COMT: variants seen among roughly 807,000 people sequenced by gnomAD.
COMT encodes catechol-O-methyltransferase, also known as catechol O-methyltransferase.
COMT carries 13 observed loss-of-function variants against 18.9 expected under a neutral mutation model. The observed-to-expected ratio is 0.69, with a 90% CI of 0.45 to 1.09. The LOEUF is 1.09. Among genes scored for constraint, COMT ranks in the 50% least tolerant of loss-of-function variants. COMT has a pLI of 0.00. For missense variants in COMT, 329 were observed against 361.8 expected, an observed-to-expected ratio of 0.91 and a Z score of 0.73; for synonymous variants, 150 against 160.9, an observed-to-expected ratio of 0.93 and a Z score of 0.51.
chr22:19,968,792 C>CAG lies in COMT; in HGVS notation c.*58_*59dup. On this transcript the variant is annotated 3_prime_UTR_variant, in exon 6 of 6. Transcript: ENST00000361682. ...TCACCCAGCCTGGTACTGAAGGTGC[C>CAG]AGACGTGCTCCTGCTGACCTTCTGC... is the stretch of plus-strand genomic sequence containing the variant. 6.5e-7 allele frequency: 1 copy of CAG among 1,537,756 alleles called. No individual in the cohort carries two copies. The highest frequency in any genetic ancestry group is 8.8e-7 in the Non-Finnish European group (1 of 1,130,206).
At chr22:19,944,374 C>G (rs537261216) in intron 1 of COMT, among the ~76,000 whole-genome samples, 2 of 152,176 alleles carry the variant, frequency 1.3e-5, no homozygotes, top group South Asian at 4.1e-4. Context: ...TGGCAAAACC[C>G]TGTCTCTACT....
At chr22:19,943,267 A>G (rs759972046) in intron 1 of COMT, among the ~76,000 whole-genome samples, 13 of 152,212 alleles carry the variant, frequency 8.5e-5, no homozygotes, top group Non-Finnish European at 1.6e-4. Flanking sequence ...TGTTGTGTTC[A>G]TAAACTACCA....
Position 19,941,808 on chromosome 22 carries a change from GTGGGGCTTC to G in COMT, c.-174_-166del. The G allele has an allele frequency of 6.5e-7, 1 of 1,532,898 alleles. No homozygotes were observed. The highest frequency in any genetic ancestry group is 8.7e-7 in the Non-Finnish European group (1 of 1,150,768). 95.0% of individuals were successfully genotyped at this position (1,532,898 alleles called of 1,614,324 possible). A position where few individuals can be genotyped will look rare whatever the true frequency, so the allele number is the denominator to read the frequency against. ...CGCCACCGCCATTGCCGCCATCGTCGTGGGGCTTCTGGGGCAGCTAGGGCTGCCCGCCGC... is the reference window on the plus strand; with the variant it reads ...CGCCACCGCCATTGCCGCCATCGTCGTGGGGCAGCTAGGGCTGCCCGCCGC... On this transcript the variant is annotated 5_prime_UTR_variant, in exon 1 of 6. Transcript: ENST00000361682.
chr22:19,948,080 A>G lies in COMT; in HGVS notation c.-92+6183A>G, dbSNP rs533149515. Among the ~76,000 whole-genome samples, 3 of 152,286 alleles carry G rather than the reference A, an allele frequency of 2.0e-5. No homozygotes were observed. In the East Asian group the frequency reaches 5.8e-4, roughly 29 times the overall value. Reference sequence around the variant, plus strand: ...CGAAGATTATTATAATATTGGAATAAAGAGTAATTGCTACAAACTAATGAT... The same window carrying G: ...CGAAGATTATTATAATATTGGAATAGAGAGTAATTGCTACAAACTAATGAT... On this transcript the variant is annotated intron_variant, in intron 1 of 5. Transcript: ENST00000361682.
chr22:19,953,828 T>C (rs1942000489), intron 1 of COMT, among the ~76,000 whole-genome samples: 1 of 152,146 alleles, frequency 6.6e-6, no homozygotes, highest in Non-Finnish European at 1.5e-5. Flanking sequence ...GCCGGGACAC[T>C]GAGCTCCTGC....
intron 1 of COMT, among the ~76,000 whole-genome samples, chr22:19,945,926 A>G (rs1941828775): frequency 6.6e-6 from 1 of 152,252 alleles, no homozygotes; most frequent in Admixed American, 6.5e-5. Context: ...CGGCCTCCCA[A>G]AGTACTGGGA....
At chr22:19,953,552 C>T (rs1391311210) in intron 1 of COMT, among the ~76,000 whole-genome samples, 2 of 152,174 alleles carry the variant, frequency 1.3e-5, no homozygotes, top group Non-Finnish European at 2.9e-5. Context: ...CTCAGCCTCC[C>T]AAAGTGCTGG....
Position 19,966,923 on chromosome 22 carries a change from G to A in COMT, c.616-1613G>A, listed in dbSNP as rs376427752. 4.6e-5 allele frequency: 45 copies of A among 984,626 alleles called. No individual in the cohort carries two copies. The African/African-American group carries it at 7.5e-4, about 16-fold the overall frequency. The allele number at this position is 984,626 out of a possible 1,614,324, so 61.0% of individuals were successfully genotyped here. A position where few individuals can be genotyped will look rare whatever the true frequency, so the allele number is the denominator to read the frequency against. ...TAGTGTCACCTGCTCCTCTGACACT[G>A]TCGCTTCTCCACGGCATTAGATTTT... On this transcript the variant is annotated intron_variant, in intron 5 of 5. Transcript: ENST00000361682.
At chr22:19,963,977 C>A in intron 4 of COMT, 191 bp from the exon 5 acceptor site, 1 of 1,258,324 alleles carries the variant, frequency 7.9e-7, no homozygotes, top group Non-Finnish European at 1.1e-6. Flanking sequence ...CAAGGTGGCA[C>A]CAGGAGGGGC....
intron 1 of COMT, among the ~76,000 whole-genome samples, chr22:19,958,051 C>CACCTAGGAGTAGAATTGCTGGGTCAT (rs1318538113): frequency 6.8e-4 from 104 of 152,226 alleles, no homozygotes; most frequent in Non-Finnish European, 8.8e-4. Flanking sequence ...TCTTGGTATA[C>CACCTAGGAGTAGAATTGCTGGGTCAT]ACCTAGGAGT....
rs1235465370 is a variant in COMT, at chr22:19,969,888, G to A, written c.*1152G>A. On this transcript the variant is annotated 3_prime_UTR_variant, in exon 6 of 6. Transcript: ENST00000361682. ...TTGTGCCAGACCTGAGTGGCAGAAAGCAAAAAGTTCCTTTGCTGCTTTAAT... is the reference window on the plus strand; with the variant it reads ...TTGTGCCAGACCTGAGTGGCAGAAAACAAAAAGTTCCTTTGCTGCTTTAAT... 2 of 985,342 alleles carry A rather than the reference G, an allele frequency of 2.0e-6. No individual in the cohort carries two copies. The highest frequency in any genetic ancestry group is 6.1e-5 in the Admixed American group (1 of 16,272). The allele number at this position is 985,342 out of a possible 1,614,324, so 61.0% of individuals were successfully genotyped here. A position where few individuals can be genotyped will look rare whatever the true frequency, so the allele number is the denominator to read the frequency against.
rs555247050 is a variant in COMT, at chr22:19,963,261, G to C, written c.290-305G>C. On this transcript the variant is annotated intron_variant, in intron 3 of 5. Coordinates refer to ENST00000361682, the MANE Select transcript of COMT (RefSeq NM_000754.4). ...TCGGTGATTCAGAGAGGGCAGCTCTGTGTTAGGACACACTGGGGCCAGCCA... is the reference window on the plus strand; with the variant it reads ...TCGGTGATTCAGAGAGGGCAGCTCTCTGTTAGGACACACTGGGGCCAGCCA... 1.4e-3 allele frequency: 810 copies of C among 565,046 alleles called. 12 individuals carry two copies. Among genetic ancestry groups the C allele is most frequent in the South Asian group, 0.014 (665 of 48,784 alleles). The allele number at this position is 565,046 out of a possible 1,614,324, so 35.0% of individuals were successfully genotyped here. A position where few individuals can be genotyped will look rare whatever the true frequency, so the allele number is the denominator to read the frequency against.
chr22:19,945,619 A>T (rs1297076625), intron 1 of COMT, among the ~76,000 whole-genome samples: 1 of 152,228 alleles, frequency 6.6e-6, no homozygotes, highest in African/African-American at 2.4e-5. Flanking sequence ...ATCATTTACT[A>T]TAATATTACG....
intron 5 of COMT, chr22:19,966,936 G>A (rs1421323767): frequency 2.0e-6 from 2 of 985,174 alleles, no homozygotes; most frequent in East Asian, 2.3e-4. Context: ...GCTTCTCCAC[G>A]GCATTAGATT....
At chr22:19,944,753 T>C (rs1304840265) in intron 1 of COMT, among the ~76,000 whole-genome samples, 1 of 133,848 alleles carries the variant, frequency 7.5e-6, no homozygotes, top group Non-Finnish European at 1.6e-5. Flanking sequence ...ACCCGGGAGG[T>C]GGAGCTTGCA....
At chr22:19,955,156 C>T (rs1255422008) in intron 1 of COMT, among the ~76,000 whole-genome samples, 2 of 152,332 alleles carry the variant, frequency 1.3e-5, no homozygotes, top group Non-Finnish European at 2.9e-5. Context: ...AGGCACACCA[C>T]CATGCCTGGC....
chr22:19,945,750 C>T lies in COMT; in HGVS notation c.-92+3853C>T, dbSNP rs546845133. ...GCGTGATCTCAGCTCACTGCAAGCT[C>T]CGCCTCCTGGGTTTACACCATTCTC... On this transcript the variant is annotated intron_variant, in intron 1 of 5. Coordinates refer to ENST00000361682, the MANE Select transcript of COMT (RefSeq NM_000754.4). 2.0e-5 allele frequency among the ~76,000 whole-genome samples: 3 copies of T among 152,276 alleles called. No homozygotes were observed. The South Asian group carries it at 6.2e-4, about 32-fold the overall frequency.
intron 1 of COMT, among the ~76,000 whole-genome samples, chr22:19,959,916 C>G (rs1430150222): frequency 2.0e-5 from 3 of 152,162 alleles, no homozygotes; most frequent in Non-Finnish European, 4.4e-5. Flanking sequence ...GAGCCGCGGG[C>G]AGGTGGGACA....
intron 1 of COMT, among the ~76,000 whole-genome samples, chr22:19,948,954 CAAAA>C (rs71186636): frequency 5.4e-4 from 47 of 86,874 alleles, no homozygotes; most frequent in Middle Eastern, 7.1e-3. Context: ...GACTCTGTCT[CAAAA>C]AAAAAAAAAA....
Sources: gnomAD v4.1 joint callset for allele counts (sites outside exome capture counted in the v4.1 genomes callset) on GRCh38, gnomAD v4.1.1 for gene constraint, MANE v1.5 for transcripts, NCBI Gene and HGNC (gene_info 2026-07-23, HGNC 2026-07-21) for gene names.